Variants in ARID5B observed in about 807,000 individuals in gnomAD.
ARID5B encodes AT-rich interactive domain-containing protein 5B.
Under a neutral mutation model 97.2 loss-of-function variants are expected in ARID5B, and 13 were observed. That is an observed-to-expected ratio of 0.13 (90% CI 0.09 to 0.21). The LOEUF is 0.21. Among genes scored for constraint, ARID5B ranks in the 10% least tolerant of loss-of-function variants. The probability of loss-of-function intolerance (pLI) is 1.00; values close to 1 mark genes in which losing one functional copy is unlikely to be tolerated. For synonymous variants in ARID5B, 556 were observed against 570.3 expected (o/e 0.97, Z 0.36); for missense variants, 1,210 against 1,465.3 (o/e 0.83, Z 2.84).
At chr10:62,075,937 G>A (rs374070411) in intron 8 of ARID5B, among the ~76,000 whole-genome samples, 1 of 152,112 alleles carries the variant, frequency 6.6e-6, no homozygotes, top group South Asian at 2.1e-4. Context: ...AAACCCAATC[G>A]GTGTTTTTTG....
intron 4 of ARID5B, among the ~76,000 whole-genome samples, chr10:62,041,305 A>C (rs1025812910): frequency 1.1e-4 from 16 of 152,198 alleles, no homozygotes; most frequent in Non-Finnish European, 1.8e-4. Context: ...CTCAGAGACC[A>C]CTGAGGTACT....
chr10:62,021,312 T>C (rs932089989), intron 4 of ARID5B, among the ~76,000 whole-genome samples: 31 of 152,104 alleles, frequency 2.0e-4, no homozygotes, highest in African/African-American at 7.5e-4. Flanking sequence ...ATGTTATTCA[T>C]TTATTGAGAA....
At chr10:62,050,815 G>T (rs1184677360) in intron 4 of ARID5B, 73 bp from the exon 5 acceptor site, 1 of 1,270,954 alleles carries the variant, frequency 7.9e-7, no homozygotes, top group Non-Finnish European at 1.1e-6. Context: ...TCACTGTAGT[G>T]AGATTCTGGG....
intron 2 of ARID5B, among the ~76,000 whole-genome samples, chr10:61,919,048 C>CCG (rs1052683501): frequency 7.9e-6 from 1 of 126,934 alleles, no homozygotes; most frequent in Non-Finnish European, 1.8e-5. Context: ...CCCCCCCCCC[C>CCG]CCCCAAAAAA....
chr10:62,093,971 C>G lies in ARID5B; in HGVS notation c.*941C>G. On this transcript the variant is annotated 3_prime_UTR_variant, in exon 10 of 10. Transcript: ENST00000279873. ...AAGAGCTTATACACTGCTTACCCAG[C>G]CAAATGCTTTGCTTTGAAGTATTGG... 1 of 233,668 alleles carries G rather than the reference C, an allele frequency of 4.3e-6. No individual in the cohort carries two copies. The highest frequency in any genetic ancestry group is 8.5e-6 in the Non-Finnish European group (1 of 118,050). 14.5% of individuals were successfully genotyped at this position (233,668 alleles called of 1,614,324 possible). A position where few individuals can be genotyped will look rare whatever the true frequency, so the allele number is the denominator to read the frequency against.
At chr10:62,024,064 C>G (rs1444080050) in intron 4 of ARID5B, among the ~76,000 whole-genome samples, 1 of 152,208 alleles carries the variant, frequency 6.6e-6, no homozygotes, top group Non-Finnish European at 1.5e-5. Flanking sequence ...CCTCTCAGCA[C>G]AGAGTGCCTT....
At chr10:61,960,879 A>T (rs1290153021) in intron 3 of ARID5B, among the ~76,000 whole-genome samples, 1 of 152,238 alleles carries the variant, frequency 6.6e-6, no homozygotes, top group Non-Finnish European at 1.5e-5. Context: ...ATAGACTAGC[A>T]CTCTGGATCC....
chr10:61,953,059 A>C (rs1838345217), intron 3 of ARID5B, among the ~76,000 whole-genome samples: 1 of 152,078 alleles, frequency 6.6e-6, no homozygotes, highest in South Asian at 2.1e-4. Flanking sequence ...GGTTATTAAG[A>C]AGATGATTGT....
At chr10:61,935,235 T>C (rs1419498907) in intron 2 of ARID5B, among the ~76,000 whole-genome samples, 1 of 151,938 alleles carries the variant, frequency 6.6e-6, no homozygotes, top group Non-Finnish European at 1.5e-5. Flanking sequence ...TGAAGCACAA[T>C]AAAAAGAGGT....
At chr10:62,079,148 G>C (rs145541399) in intron 8 of ARID5B, among the ~76,000 whole-genome samples, 28 of 152,312 alleles carry the variant, frequency 1.8e-4, no homozygotes, top group African/African-American at 6.7e-4. Flanking sequence ...ACCCAGGCAG[G>C]AGTGATCTTT....
intron 4 of ARID5B, among the ~76,000 whole-genome samples, chr10:62,027,285 C>T (rs1417589205): frequency 1.5e-4 from 10 of 67,370 alleles, no homozygotes; most frequent in East Asian, 4.5e-4. Context: ...ACAGTATCTC[C>T]TTTTTTTTTT....
intron 4 of ARID5B, among the ~76,000 whole-genome samples, chr10:62,013,656 T>C (rs1406907678): frequency 1.3e-5 from 2 of 152,030 alleles, no homozygotes; most frequent in African/African-American, 2.4e-5. Flanking sequence ...AGATGCTACA[T>C]GTAAGTGAGA....
intron 6 of ARID5B, among the ~76,000 whole-genome samples, chr10:62,058,069 G>A (rs1037442572): frequency 6.6e-6 from 1 of 152,162 alleles, no homozygotes; most frequent in African/African-American, 2.4e-5. Flanking sequence ...AAAACCATGT[G>A]TCATTTTGAT....
intron 8 of ARID5B, among the ~76,000 whole-genome samples, chr10:62,070,565 C>A (rs1186743882): frequency 6.6e-6 from 1 of 152,194 alleles, no homozygotes; most frequent in Non-Finnish European, 1.5e-5. Context: ...TCAGGCAATA[C>A]CATTTAACTC....
intron 2 of ARID5B, among the ~76,000 whole-genome samples, chr10:61,931,870 G>T (rs1248929997): frequency 6.6e-6 from 1 of 152,152 alleles, no homozygotes; most frequent in Non-Finnish European, 1.5e-5. Context: ...TGGCAAGGAT[G>T]GGGAGCAACT....
intron 6 of ARID5B, 47 bp downstream of exon 6, chr10:62,057,365 T>G (rs1407216847): frequency 6.5e-7 from 1 of 1,548,516 alleles, no homozygotes; most frequent in Non-Finnish European, 8.8e-7. Context: ...CTGCTCAGAT[T>G]CTTTGAATTG....
chr10:61,911,459 G>A (rs986461784), intron 2 of ARID5B, among the ~76,000 whole-genome samples: 2 of 152,086 alleles, frequency 1.3e-5, no homozygotes, highest in African/African-American at 4.8e-5. Context: ...TTTTATATGT[G>A]GGAAGAAGTT....
chr10:62,055,647 G>C (rs887216967), intron 5 of ARID5B, among the ~76,000 whole-genome samples: 23 of 152,254 alleles, frequency 1.5e-4, no homozygotes, highest in African/African-American at 5.3e-4. Context: ...AAATCTACAT[G>C]GGAAAATTGT....
intron 2 of ARID5B, among the ~76,000 whole-genome samples, chr10:61,918,419 C>T (rs1462739436): frequency 2.0e-5 from 3 of 152,108 alleles, no homozygotes; most frequent in Non-Finnish European, 4.4e-5. Context: ...CCTGGCTTAT[C>T]CTAGGTCTGC....
Sources: gnomAD v4.1 joint callset for allele counts (sites outside exome capture counted in the v4.1 genomes callset) on GRCh38, gnomAD v4.1.1 for gene constraint, MANE v1.5 for transcripts, NCBI Gene and HGNC (gene_info 2026-07-23, HGNC 2026-07-21) for gene names.